CIB4: variants seen among roughly 807,000 people sequenced by gnomAD.
The protein encoded by CIB4 is calcium and integrin binding family member 4.
A neutral mutation model predicts 25.8 loss-of-function variants in CIB4; 25 were observed. That is an observed-to-expected ratio of 0.97 (90% CI 0.71 to 1.35). The LOEUF is 1.35. CIB4 is among the 40% of genes most tolerant of loss of function. CIB4 has a pLI of 0.00. For synonymous variants in CIB4, 75 were observed against 81.4 expected, an observed-to-expected ratio of 0.92 and a Z score of 0.42; for missense variants, 235 against 228.2, an observed-to-expected ratio of 1.03 and a Z score of -0.19.
rs754455852 is a variant in CIB4, at chr2:26,595,221, G to A, written c.283C>T (p.Gln95Ter). 20 of 1,613,944 alleles carry A rather than the reference G, an allele frequency of 1.2e-5. 1 individual carries two copies. The South Asian group carries it at 2.0e-4, about 16-fold the overall frequency. ...VLGMASVFSE[Q>*]ACPSLKIEYA... ...TCAATCTTCAGGCTTGGGCAGGCCT[G>A]CTCGCTGAACACAGATGCCATGCCC... Residue 95 changes from glutamine to a stop codon, truncating the protein, a stop_gained, in exon 4 of 7, where the codon CAG becomes TAG. Transcript: ENST00000288861. LOFTEE classifies it high-confidence loss of function.
intron 4 of CIB4, among the ~76,000 whole-genome samples, chr2:26,588,527 C>T (rs1441009252): frequency 6.6e-6 from 1 of 152,182 alleles, no homozygotes; most frequent in Admixed American, 6.5e-5. Context: ...TTCAGTCCCC[C>T]CAAAGACTCT....
intron 4 of CIB4, among the ~76,000 whole-genome samples, chr2:26,589,073 T>C: frequency 3.4e-5 from 1 of 29,422 alleles, no homozygotes. Flanking sequence ...TTCCTCTTCC[T>C]CTTCTTCTTC....
At chr2:26,600,540 G>A (rs1185119107) in intron 3 of CIB4, among the ~76,000 whole-genome samples, 2 of 152,336 alleles carry the variant, frequency 1.3e-5, no homozygotes, top group South Asian at 2.1e-4. Flanking sequence ...TGGTATAGAA[G>A]AGGTCAGTCC....
At chr2:26,593,031 C>T (rs1333720530) in intron 4 of CIB4, among the ~76,000 whole-genome samples, 2 of 152,252 alleles carry the variant, frequency 1.3e-5, no homozygotes, top group South Asian at 2.1e-4. Context: ...ATGATCTGTC[C>T]TCACCAATTA....
chr2:26,591,740 G>C (rs1167274144), intron 4 of CIB4, among the ~76,000 whole-genome samples: 1 of 152,222 alleles, frequency 6.6e-6, no homozygotes, highest in African/African-American at 2.4e-5. Flanking sequence ...CATCTTGCCA[G>C]TGGGGTGACT....
intron 4 of CIB4, among the ~76,000 whole-genome samples, chr2:26,590,276 A>AAC (rs1668562494): frequency 6.6e-6 from 1 of 151,370 alleles, no homozygotes; most frequent in South Asian, 2.1e-4. Context: ...AAAAAAAAAA[A>AAC]AAAAAAAACT....
intron 3 of CIB4, among the ~76,000 whole-genome samples, chr2:26,617,743 G>A (rs1669121184): frequency 6.6e-6 from 1 of 151,936 alleles, no homozygotes; most frequent in Non-Finnish European, 1.5e-5. Context: ...TGATCAAAGA[G>A]CCCCCTGCGG....
chr2:26,616,558 C>G (rs1669096403), intron 3 of CIB4, among the ~76,000 whole-genome samples: 1 of 152,142 alleles, frequency 6.6e-6, no homozygotes, highest in Non-Finnish European at 1.5e-5. Context: ...CCACAGGAGC[C>G]CGAGAAGCTG....
chr2:26,606,970 G>A (rs561920918), intron 3 of CIB4, among the ~76,000 whole-genome samples: 2 of 152,304 alleles, frequency 1.3e-5, no homozygotes, highest in South Asian at 4.2e-4. Context: ...AAACAGCCAT[G>A]GGATCATGTG....
chr2:26,636,045 T>G (rs1446032545), intron 2 of CIB4, among the ~76,000 whole-genome samples: 1 of 152,262 alleles, frequency 6.6e-6, no homozygotes, highest in Non-Finnish European at 1.5e-5. Context: ...TTTTGCTTAA[T>G]ATTTACATGG....
intron 2 of CIB4, among the ~76,000 whole-genome samples, chr2:26,639,023 A>G (rs60447512): frequency 0.013 from 2,049 of 152,028 alleles, 55 homozygotes; most frequent in African/African-American, 0.047. Flanking sequence ...AACCATGTGA[A>G]TGGGGTAAAA....
At chr2:26,605,698 C>A in intron 3 of CIB4, 1 of 299,876 alleles carries the variant, frequency 3.3e-6, no homozygotes. Context: ...CTACTGTGTG[C>A]AGGCTGTGAC....
intron 3 of CIB4, among the ~76,000 whole-genome samples, chr2:26,597,227 C>T (rs536878719): frequency 3.3e-5 from 5 of 152,162 alleles, no homozygotes; most frequent in African/African-American, 1.2e-4. Context: ...ATTTTGAATC[C>T]ATTTGTTAAA....
rs140242485 is a variant in CIB4 at position 26,631,468 on chromosome 2, C to T, written c.90-1962G>A. ...CAGCCTGGGCGACAGAGCAAGACCC[C>T]GTCTCAATAAACAACAAAAACTAGG... is the stretch of plus-strand genomic sequence containing the variant. On this transcript the variant is annotated intron_variant, in intron 2 of 6. Transcript: ENST00000288861. 8.4e-3 allele frequency among the ~76,000 whole-genome samples: 1,281 copies of T among 152,240 alleles called. 11 individuals carry two copies. Among genetic ancestry groups the T allele is most frequent in the African/African-American group, 0.03 (1,240 of 41,538 alleles).
At chr2:26,611,927 G>A (rs1275335204) in intron 3 of CIB4, among the ~76,000 whole-genome samples, 1 of 152,178 alleles carries the variant, frequency 6.6e-6, no homozygotes, top group Admixed American at 6.5e-5. Flanking sequence ...TAGGGGAAAA[G>A]ACGGCAAAAG....
chr2:26,584,420 C>A (rs1668411418), intron 4 of CIB4, among the ~76,000 whole-genome samples: 1 of 152,218 alleles, frequency 6.6e-6, no homozygotes, highest in Non-Finnish European at 1.5e-5. Flanking sequence ...ATCCCAGTCC[C>A]TGCTCCTGTC....
intron 3 of CIB4, among the ~76,000 whole-genome samples, chr2:26,595,721 G>A (rs975756731): frequency 3.3e-5 from 5 of 152,190 alleles, no homozygotes; most frequent in African/African-American, 7.2e-5. Flanking sequence ...GTGCTCAGGC[G>A]GGTGCAAGGC....
intron 1 of CIB4, among the ~76,000 whole-genome samples, chr2:26,641,013 A>G (rs117172866): frequency 0.014 from 2,141 of 152,318 alleles, 72 homozygotes; most frequent in East Asian, 0.073. Context: ...TGGGGTCCCA[A>G]CACATATTTG....
chr2:26,629,200 G>A (rs923016799), intron 3 of CIB4, among the ~76,000 whole-genome samples: 3 of 152,162 alleles, frequency 2.0e-5, no homozygotes, highest in African/African-American at 7.2e-5. Flanking sequence ...TAGGACCGAG[G>A]TGAGGATGGA....
Sources: allele counts gnomAD v4.1 joint callset (sites outside exome capture counted in the v4.1 genomes callset), GRCh38; gene constraint gnomAD v4.1.1; transcripts MANE v1.5; gene names NCBI Gene and HGNC (gene_info 2026-07-23, HGNC 2026-07-21).